Variants in TTI1 observed in about 807,000 individuals in gnomAD.
TTI1 encodes TELO2-interacting protein 1 homolog.
Under a neutral mutation model 85.4 loss-of-function variants are expected in TTI1, and 52 were observed. The observed-to-expected ratio is 0.61, with a 90% CI of 0.49 to 0.77. The LOEUF is 0.77. Ranked by LOEUF, TTI1 falls within the 30% of genes least tolerant of loss-of-function variation. The pLI, the probability that TTI1 is intolerant of heterozygous loss-of-function variation, is 0.00. For synonymous variants in TTI1, 512 were observed against 503.9 expected (o/e 1.02, Z -0.22); for missense variants, 1,173 against 1,296.0 (o/e 0.91, Z 1.46).
intron 1 of TTI1, among the ~76,000 whole-genome samples, chr20:38,020,370 C>T (rs755642687): frequency 9.3e-6 from 1 of 107,570 alleles, no homozygotes; most frequent in Non-Finnish European, 1.8e-5. Flanking sequence ...ATCTTGATTC[C>T]ATCACATCCT....
chr20:37,996,596 C>G, intron 6 of TTI1, 134 bp from the exon 7 acceptor site: 1 of 1,398,216 alleles, frequency 7.2e-7, no homozygotes, highest in East Asian at 2.3e-5. Context: ...CGCCAAAGAA[C>G]ACATCAAGAT....
chr20:38,013,830 TC>T lies in TTI1; in HGVS notation c.-15del. 1 of 1,597,924 alleles carries T rather than the reference TC, an allele frequency of 6.3e-7. No individual in the cohort carries two copies. The highest frequency in any genetic ancestry group is 1.3e-5 in the African/African-American group (1 of 74,538). On this transcript the variant is annotated 5_prime_UTR_variant, in exon 2 of 8. Transcript: ENST00000373447. Reference sequence around the variant, plus strand: ...AAAAACTGCCATTGTGCAGCAGCCTTCCCCTCATTGAGGAAACATCCTGCAG... The same window carrying T: ...AAAAACTGCCATTGTGCAGCAGCCTTCCCTCATTGAGGAAACATCCTGCAG...
At chr20:38,003,257 C>T (rs1160707012) in intron 3 of TTI1, among the ~76,000 whole-genome samples, 1 of 152,144 alleles carries the variant, frequency 6.6e-6, no homozygotes, top group Non-Finnish European at 1.5e-5. Flanking sequence ...GCCACTACAC[C>T]AGGCTAAGCA....
At position 38,012,101 on chromosome 20, in the gene TTI1, C is replaced by G. The variant is rs754907828; in HGVS notation, c.1716G>C (p.Leu572Phe). 1.9e-6 allele frequency: 3 copies of G among 1,614,156 alleles called. No individual in the cohort carries two copies. Among genetic ancestry groups the G allele is most frequent in the Non-Finnish European group, 1.7e-6 (2 of 1,180,034 alleles). The change falls in exon 2 of 8, where the codon TTG becomes TTC. Residue 572 changes from leucine (L) to phenylalanine (F), a missense_variant. Coordinates refer to ENST00000373447, the MANE Select transcript of TTI1 (RefSeq NM_001303457.2). ...EEYTSQENWY[L>F]VTCLETEEMG... ...TTTCCTCAGTTTCAAGACAGGTAAC[C>G]AAATACCAATTTTCTTGACTTGTGT...
chr20:38,033,321 T>A (rs2073947299), intron 1 of TTI1, 83 bp downstream of exon 1: 1 of 152,474 alleles, frequency 6.6e-6, no homozygotes, highest in Non-Finnish European at 1.5e-5. Flanking sequence ...TCATGATCTC[T>A]CAGACTCAAT....
Position 37,989,514 on chromosome 20 carries a change from A to G in TTI1, c.3087-5875T>C, listed in dbSNP as rs79345376. On this transcript the variant is annotated intron_variant, in intron 7 of 7. Coordinates refer to ENST00000373447, the MANE Select transcript of TTI1 (RefSeq NM_001303457.2). ...TAAGCCAGAATCTAGGAGGGTTTAC[A>G]TCCCACTGGGGCGAGATTTAAAAGC... Among the ~76,000 whole-genome samples, 1,456 of 152,358 alleles carry G rather than the reference A, an allele frequency of 9.6e-3. 27 individuals are homozygous for G. Among genetic ancestry groups the G allele is most frequent in the African/African-American group, 0.034 (1,398 of 41,582 alleles).
At chr20:38,031,854 G>C (rs1381388673) in intron 1 of TTI1, among the ~76,000 whole-genome samples, 1 of 152,186 alleles carries the variant, frequency 6.6e-6, no homozygotes, top group Non-Finnish European at 1.5e-5. Context: ...ATCAAATAGT[G>C]ATTGTAATAA....
chr20:38,015,542 T>C (rs952923266), intron 1 of TTI1, among the ~76,000 whole-genome samples: 2 of 152,084 alleles, frequency 1.3e-5, no homozygotes, highest in South Asian at 2.1e-4. Context: ...AATTGCTTAA[T>C]GGGATCCAGC....
At chr20:38,010,494 A>G (rs1317458489) in intron 2 of TTI1, among the ~76,000 whole-genome samples, 10 of 128,540 alleles carry the variant, frequency 7.8e-5, no homozygotes, top group African/African-American at 3.1e-4. Flanking sequence ...TTTTTGAGAC[A>G]GAGTCTCACT....
chr20:38,012,720 CCCA>C lies in TTI1; in HGVS notation c.1094_1096del (p.Val365del), dbSNP rs1399728328. 2 of 1,614,052 alleles carry C rather than the reference CCCA, an allele frequency of 1.2e-6. No homozygotes were observed. Among genetic ancestry groups the C allele is most frequent in the African/African-American group, 2.7e-5 (2 of 74,910 alleles). ...CAAGATGTCAGCGAGGGCTTTGTTG[CCCA>C]CCACTACTTTTTGATCTGCAAAATG... On this transcript the variant is annotated inframe_deletion, in exon 2 of 8. Transcript: ENST00000373447.
intron 5 of TTI1, among the ~76,000 whole-genome samples, chr20:37,998,729 C>T (rs1236682671): frequency 6.6e-6 from 1 of 152,196 alleles, no homozygotes; most frequent in Non-Finnish European, 1.5e-5. Flanking sequence ...GTTTTGTCAG[C>T]ATCACTCAGC....
chr20:38,000,916 G>T (rs550059859), intron 4 of TTI1, among the ~76,000 whole-genome samples: 2 of 152,160 alleles, frequency 1.3e-5, no homozygotes, highest in African/African-American at 4.8e-5. Context: ...GGCCTTCCCC[G>T]ATGACCTAGG....
At position 37,996,878 on chromosome 20, in the gene TTI1, C is replaced by T. The variant is rs143165201; in HGVS notation, c.2869G>A (p.Ala957Thr). 146 of 1,614,038 alleles carry T rather than the reference C, an allele frequency of 9.0e-5. No individual in the cohort carries two copies. Among genetic ancestry groups the T allele is most frequent in the Non-Finnish European group, 1.1e-4 (133 of 1,180,036 alleles). Residue 957 changes from alanine to threonine, a missense_variant, in exon 6 of 8, where the codon GCT becomes ACT. Coordinates refer to ENST00000373447, the MANE Select transcript of TTI1 (RefSeq NM_001303457.2). ...RFCKDVLPKL[A>T]GSLVTQAPIS... Reference sequence around the variant, plus strand: ...GGGGCCTGGGTGACTAGGGAGCCAGCCAGCTTTGGCAGGACATCTTTGCAG... The same window carrying T: ...GGGGCCTGGGTGACTAGGGAGCCAGTCAGCTTTGGCAGGACATCTTTGCAG...
Position 38,006,223 on chromosome 20 carries a change from T to C in TTI1, c.2477A>G (p.Asn826Ser), listed in dbSNP as rs893866055. The C allele has an allele frequency of 2.5e-6, 4 of 1,614,214 alleles. No homozygotes were observed. Among genetic ancestry groups the C allele is most frequent in the South Asian group, 1.1e-5 (1 of 91,088 alleles). Residue 826 changes from asparagine (N) to serine (S), a missense_variant, in exon 3 of 8, where the codon AAT becomes AGT. Physicochemically the swap from Asn to Ser is conservative, Grantham distance 46 (BLOSUM62 1). Transcript: ENST00000373447. ...TTCTTCATTATCAAAATCCGAGACA[T>C]TTCCATCTGCCACATCCTTCTCTTT... is the stretch of plus-strand genomic sequence containing the variant. ...YLKEKDVADG[N>S]VSDFDNEEEE...
At chr20:37,991,460 T>C (rs1222030091) in intron 7 of TTI1, among the ~76,000 whole-genome samples, 1 of 152,246 alleles carries the variant, frequency 6.6e-6, no homozygotes, top group Non-Finnish European at 1.5e-5. Flanking sequence ...TCTGTGTTCG[T>C]CCAGGGTTTG....
intron 7 of TTI1, among the ~76,000 whole-genome samples, chr20:37,986,759 A>T: frequency 6.6e-6 from 1 of 152,206 alleles, no homozygotes; most frequent in East Asian, 1.9e-4. Context: ...AGAAAGAGAG[A>T]GAGAGGGACA....
In TTI1 at chr20:38,011,711, G is replaced by C; in HGVS notation, c.2106C>G (p.Ile702Met). ...NQNSDYLVNG[I>M]SLNLRHLALH... ...GAGCCAGATGACGCAGATTTAAAGAGATCCCATTCACTAAATAGTCTGAAT... is the reference window on the plus strand; with the variant it reads ...GAGCCAGATGACGCAGATTTAAAGACATCCCATTCACTAAATAGTCTGAAT... Residue 702 changes from isoleucine to methionine, a missense_variant, in exon 2 of 8, where the codon ATC (isoleucine) becomes ATG (methionine). Physicochemically the swap from Ile to Met is conservative, Grantham distance 10 (BLOSUM62 1). Coordinates refer to ENST00000373447, the MANE Select transcript of TTI1 (RefSeq NM_001303457.2). 6.2e-7 allele frequency: 1 copy of C among 1,614,204 alleles called. No homozygotes were observed. Among genetic ancestry groups the C allele is most frequent in the South Asian group, 1.1e-5 (1 of 91,086 alleles).
intron 7 of TTI1, among the ~76,000 whole-genome samples, chr20:37,983,967 CAAA>C (rs1269661105): frequency 6.6e-6 from 1 of 151,736 alleles, no homozygotes; most frequent in African/African-American, 2.4e-5. Flanking sequence ...GGAGTTTTCA[CAAA>C]GAAGAAAAAC....
rs6022329 is a variant in TTI1, at chr20:38,006,053, C to G, written c.2503+144G>C. 5,378 of 938,614 alleles carry G rather than the reference C, an allele frequency of 5.7e-3. 186 individuals carry two copies. In the African/African-American group the frequency reaches 0.079, roughly 14 times the overall value. 58.1% of individuals were successfully genotyped at this position (938,614 alleles called of 1,614,324 possible). A position where few individuals can be genotyped will look rare whatever the true frequency, so the allele number is the denominator to read the frequency against. ...CAGAAAAGAATGGAAAAAGATTACA[C>G]AAAACAGGAGAATAGCTATGTTAGC... On this transcript the variant is annotated intron_variant, in intron 3 of 7. Coordinates refer to ENST00000373447, the MANE Select transcript of TTI1 (RefSeq NM_001303457.2).
Sources: allele counts gnomAD v4.1 joint callset (sites outside exome capture counted in the v4.1 genomes callset), GRCh38; gene constraint gnomAD v4.1.1; transcripts MANE v1.5; gene names NCBI Gene and HGNC (gene_info 2026-07-23, HGNC 2026-07-21).